LRRC19: variants seen among roughly 807,000 people sequenced by gnomAD.
LRRC19 encodes leucine rich repeat containing 19.
LRRC19 carries 33 observed loss-of-function variants against 33.3 expected under a neutral mutation model. That is an observed-to-expected ratio of 0.99 (90% CI 0.75 to 1.33). The LOEUF (loss-of-function observed/expected upper bound fraction) is 1.33. Among genes scored for constraint, LRRC19 ranks in the 40% most tolerant of loss-of-function variants. LRRC19 has a pLI of 0.00. For synonymous variants in LRRC19, 184 were observed against 152.3 expected (o/e 1.21, Z -1.53); for missense variants, 463 against 417.3 (o/e 1.11, Z -0.95).
chr9:26,997,712 A>T lies in LRRC19; in HGVS notation c.595+16T>A. Reference sequence around the variant, plus strand: ...AGTTAATCACATTTTGGTTTTGCTTAATTATGATAGCTTACCTAATGTCAC... The same window carrying T: ...AGTTAATCACATTTTGGTTTTGCTTTATTATGATAGCTTACCTAATGTCAC... On this transcript the variant is annotated intron_variant, in intron 3 of 4. Transcript: ENST00000380055. The T allele has an allele frequency of 6.4e-7, 1 of 1,570,790 alleles. No individual in the cohort carries two copies. Among genetic ancestry groups the T allele is most frequent in the Non-Finnish European group, 8.6e-7 (1 of 1,164,172 alleles).
At chr9:27,001,550 G>C (rs941681405) in intron 1 of LRRC19, among the ~76,000 whole-genome samples, 6 of 152,092 alleles carry the variant, frequency 3.9e-5, no homozygotes, top group African/African-American at 1.4e-4. Context: ...GCATTTCCCT[G>C]AGTGATTACT....
chr9:26,996,306 A>C lies in LRRC19; in HGVS notation c.784+5T>G. 6.5e-7 allele frequency: 1 copy of C among 1,548,740 alleles called. No individual in the cohort carries two copies. Among genetic ancestry groups the C allele is most frequent in the Non-Finnish European group, 8.9e-7 (1 of 1,129,266 alleles). ...CAGTGTTAATATATAGAACCAGTAT[A>C]TTACCTGAATTTCTTGTTAAGTTGT... is the stretch of plus-strand genomic sequence containing the variant. On this transcript the variant is annotated splice_donor_5th_base_variant and intron_variant, in intron 4 of 4. Transcript: ENST00000380055.
rs1329146708 is a variant in LRRC19, at chr9:26,997,869, G to T, written c.454C>A (p.Leu152Met). ...AAATAGCTAATCAAATTGCCTTGCA[G>T]ATTCAGAAGTTTTAGGCTTCTTAGA... ...VPLRSLKLLN[L>M]QGNLISYLDV... Residue 152 changes from leucine to methionine, a missense_variant, in exon 3 of 5, where the codon CTG (leucine) becomes ATG (methionine). By Grantham distance (15) the Leu-to-Met change is conservative. Coordinates refer to ENST00000380055, the MANE Select transcript of LRRC19 (RefSeq NM_022901.3). 1 of 1,614,182 alleles carries T rather than the reference G, an allele frequency of 6.2e-7. No individual in the cohort carries two copies. The highest frequency in any genetic ancestry group is 1.7e-5 in the Admixed American group (1 of 60,020).
In LRRC19 at chr9:26,994,050, A is replaced by AC. The variant is rs1427645665; in HGVS notation, c.*1470dup. On this transcript the variant is annotated 3_prime_UTR_variant, in exon 5 of 5. Coordinates refer to ENST00000380055, the MANE Select transcript of LRRC19 (RefSeq NM_022901.3). ...GGACTCAGCAAATAATTTTCTTTAGACCCTTCCTATTACAGCCGATAGGCC... is the reference window on the plus strand; with the variant it reads ...GGACTCAGCAAATAATTTTCTTTAGACCCCTTCCTATTACAGCCGATAGGCC... The AC allele has an allele frequency of 6.6e-6, 1 of 152,108 alleles. No homozygotes were observed. Among genetic ancestry groups the AC allele is most frequent in the Non-Finnish European group, 1.5e-5 (1 of 68,002 alleles). 9.4% of individuals were successfully genotyped at this position (152,108 alleles called of 1,614,324 possible). A position where few individuals can be genotyped will look rare whatever the true frequency, so the allele number is the denominator to read the frequency against.
chr9:26,995,511 T>G lies in LRRC19; in HGVS notation c.*10A>C, dbSNP rs1032222833. On this transcript the variant is annotated 3_prime_UTR_variant, in exon 5 of 5. Coordinates refer to ENST00000380055, the MANE Select transcript of LRRC19 (RefSeq NM_022901.3). The stretch of plus-strand genomic sequence containing the variant: ...ATAACTTTGCTTTAAAAAGCAAACT[T>G]TGAAAGAAATTAATTTTCTTCACAT... 9 of 1,493,204 alleles carry G rather than the reference T, an allele frequency of 6.0e-6. No homozygotes were observed. The highest frequency in any genetic ancestry group is 3.9e-5 in the South Asian group (3 of 77,738). The allele number at this position is 1,493,204 out of a possible 1,614,324, so 92.5% of individuals were successfully genotyped here.
rs988068666 is a variant in LRRC19, at chr9:26,998,181, C to T, written c.142G>A (p.Asp48Asn). ...YTLIPADIKK[D>N]VTILDLSYNQ... ...TAACTGAGATCAAGTATAGTAACATCTTTCTTGATATCTGCTGGAATCAAG... is the reference window on the plus strand; with the variant it reads ...TAACTGAGATCAAGTATAGTAACATTTTTCTTGATATCTGCTGGAATCAAG... Residue 48 changes from aspartate (D) to asparagine (N), a missense_variant, in exon 3 of 5, where the codon GAT becomes AAT. Physicochemically the swap from Asp to Asn is conservative, Grantham distance 23. Coordinates refer to ENST00000380055, the MANE Select transcript of LRRC19 (RefSeq NM_022901.3). The T allele has an allele frequency of 4.5e-6, 7 of 1,570,460 alleles. No homozygotes were observed. The African/African-American group carries it at 6.8e-5, about 15-fold the overall frequency.
At chr9:26,999,775 T>A in intron 1 of LRRC19, 72 bp from the exon 2 acceptor site, 1 of 787,102 alleles carries the variant, frequency 1.3e-6, no homozygotes, top group Non-Finnish European at 1.8e-6. Context: ...TTATTCTTTT[T>A]TTTTTTTTTT....
rs948864030 is a variant in LRRC19 at position 26,995,231 on chromosome 9, A to C, written c.*290T>G. 4.4e-5 allele frequency: 9 copies of C among 205,800 alleles called. No individual in the cohort carries two copies. The highest frequency in any genetic ancestry group is 9.9e-6 in the Non-Finnish European group (1 of 101,318). The allele number at this position is 205,800 out of a possible 1,614,324, so 12.7% of individuals were successfully genotyped here. ...TATGAGAATCCATTCATTTTAATTC[A>C]TGAATAATTTAGACCTTTTTACTAG... On this transcript the variant is annotated 3_prime_UTR_variant, in exon 5 of 5. Coordinates refer to ENST00000380055, the MANE Select transcript of LRRC19 (RefSeq NM_022901.3).
intron 1 of LRRC19, among the ~76,000 whole-genome samples, chr9:27,001,009 A>G (rs1828454660): frequency 6.6e-6 from 1 of 151,970 alleles, no homozygotes; most frequent in Admixed American, 6.6e-5. Context: ...CTTAATCTAT[A>G]TGAGGTCCAC....
Position 26,995,762 on chromosome 9 carries a change from A to G in LRRC19, c.872T>C (p.Ile291Thr). The G allele has an allele frequency of 6.2e-7, 1 of 1,613,842 alleles. No homozygotes were observed. Among genetic ancestry groups the G allele is most frequent in the Middle Eastern group, 1.7e-4 (1 of 6,056 alleles). ...AATATTGTACCATATTGGGCATTTG[A>G]TAGCAATAAAAATGAGAAGTGAAGT... ...LTTSLLIFIA[I>T]KCPIWYNILL... is the part of the protein sequence containing the mutation. The change falls in exon 5 of 5, where the codon ATC becomes ACC. Residue 291 changes from isoleucine (I) to threonine (T), a missense_variant. Physicochemically the swap from Ile to Thr is moderately conservative, Grantham distance 89 (BLOSUM62 -1). Coordinates refer to ENST00000380055, the MANE Select transcript of LRRC19 (RefSeq NM_022901.3).
rs766693975 is a variant in LRRC19, at chr9:26,998,176, A to G, written c.147T>C (p.Val49=). Residue 49 remains valine (V), a synonymous_variant, in exon 3 of 5, where the codon GTT becomes GTC. Transcript: ENST00000380055. ...TLIPADIKKD[V]TILDLSYNQI... ...GGTTATAACTGAGATCAAGTATAGT[A>G]ACATCTTTCTTGATATCTGCTGGAA... The G allele has an allele frequency of 1.3e-6, 2 of 1,579,640 alleles. No individual in the cohort carries two copies. Among genetic ancestry groups the G allele is most frequent in the Admixed American group, 3.5e-5 (2 of 56,532 alleles).
At chr9:27,003,340 T>C (rs1828602919) in intron 1 of LRRC19, among the ~76,000 whole-genome samples, 1 of 152,058 alleles carries the variant, frequency 6.6e-6, no homozygotes, top group Non-Finnish European at 1.5e-5. Flanking sequence ...CTGGCCAACA[T>C]GGCGAAACCT....
intron 1 of LRRC19, among the ~76,000 whole-genome samples, chr9:27,002,782 T>C (rs55902149): frequency 0.048 from 7,275 of 152,302 alleles, 230 homozygotes; most frequent in South Asian, 0.13. Context: ...GGATCTTTTA[T>C]GGTTCCATAT....
chr9:26,999,175 T>C (rs1197910036), intron 2 of LRRC19, among the ~76,000 whole-genome samples: 5 of 152,188 alleles, frequency 3.3e-5, no homozygotes, highest in Admixed American at 6.5e-5. Flanking sequence ...TGGATATAGA[T>C]GGAAAGAAAG....
At position 26,997,840 on chromosome 9, in the gene LRRC19, A is replaced by G. The variant is rs1563960699; in HGVS notation, c.483T>C (p.Asp161=). The G allele has an allele frequency of 1.2e-6, 2 of 1,614,230 alleles. No homozygotes were observed. The highest frequency in any genetic ancestry group is 1.3e-5 in the African/African-American group (1 of 75,078). Residue 161 remains aspartate (D), a synonymous_variant, in exon 3 of 5, where the codon GAT becomes GAC. Transcript: ENST00000380055. ...NLQGNLISYL[D]VPPLFHLELI... is the part of the protein sequence containing the mutation. ...ATTCCAGATGAAATAGTGGTGGTAC[A>G]TCCAAATAGCTAATCAAATTGCCTT...
At chr9:27,002,571 G>T (rs1309543800) in intron 1 of LRRC19, among the ~76,000 whole-genome samples, 4 of 152,096 alleles carry the variant, frequency 2.6e-5, no homozygotes, top group Non-Finnish European at 5.9e-5. Flanking sequence ...TTATGTTCTT[G>T]GCACCTTTGT....
chr9:26,994,884 C>T lies in LRRC19; in HGVS notation c.*637G>A, dbSNP rs1195342921. The stretch of plus-strand genomic sequence containing the variant: ...AGTATGACATTAAACTGTAGTGATC[C>T]TGCATTATGGTGACAGCCTTTCTTT... On this transcript the variant is annotated 3_prime_UTR_variant, in exon 5 of 5. Transcript: ENST00000380055. The T allele has an allele frequency of 9.8e-5, 15 of 152,488 alleles. No individual in the cohort carries two copies. The highest frequency in any genetic ancestry group is 2.7e-4 in the African/African-American group (11 of 41,416). 9.4% of individuals were successfully genotyped at this position (152,488 alleles called of 1,614,324 possible). A position where few individuals can be genotyped will look rare whatever the true frequency, so the allele number is the denominator to read the frequency against.
At chr9:27,000,045 G>T (rs1236764287) in intron 1 of LRRC19, among the ~76,000 whole-genome samples, 1 of 152,096 alleles carries the variant, frequency 6.6e-6, no homozygotes, top group Non-Finnish European at 1.5e-5. Flanking sequence ...CTTGAAAAGT[G>T]CTGGGATTAT....
In LRRC19 at chr9:26,999,829, T is replaced by G. The variant is rs1261355479; in HGVS notation, c.-9-126A>C. ...GTCTCACTCTGTCACACAGACCTGG[T>G]GGCATGGTCACAGCTCACTGCAGCC... is the stretch of plus-strand genomic sequence containing the variant. On this transcript the variant is annotated intron_variant, in intron 1 of 4. Coordinates refer to ENST00000380055, the MANE Select transcript of LRRC19 (RefSeq NM_022901.3). 4 of 568,114 alleles carry G rather than the reference T, an allele frequency of 7.0e-6. No homozygotes were observed. In the Middle Eastern group the frequency reaches 1.6e-3, roughly 225 times the overall value. 35.2% of individuals were successfully genotyped at this position (568,114 alleles called of 1,614,324 possible).
Sources: allele counts gnomAD v4.1 joint callset (sites outside exome capture counted in the v4.1 genomes callset), GRCh38; gene constraint gnomAD v4.1.1; transcripts MANE v1.5; gene names NCBI Gene and HGNC (gene_info 2026-07-23, HGNC 2026-07-21).